Variants in KCND2 observed in about 807,000 individuals in gnomAD.
KCND2 encodes potassium voltage-gated channel subfamily D member 2.
In KCND2, 16 loss-of-function variants were observed where a neutral mutation model predicts 54.4. That is an observed-to-expected ratio of 0.29 (90% confidence interval 0.20 to 0.45). The LOEUF is 0.45. KCND2 is among the 20% of genes least tolerant of loss of function. KCND2 has a pLI of 1.00. For missense variants in KCND2, 486 were observed against 824.2 expected (o/e 0.59, Z 5.02); for synonymous variants, 317 against 310.7 (o/e 1.02, Z -0.21).
chr7:120,510,114 G>T (rs901329519), intron 1 of KCND2, among the ~76,000 whole-genome samples: 4 of 152,002 alleles, frequency 2.6e-5, no homozygotes, highest in Non-Finnish European at 4.4e-5. Flanking sequence ...TAATATTCTT[G>T]CTGAGAAGGC....
chr7:120,733,091 T>C (rs1480543459), intron 2 of KCND2, 26 bp downstream of exon 2: 1 of 1,612,032 alleles, frequency 6.2e-7, no homozygotes, highest in Non-Finnish European at 8.5e-7. Context: ...CGTGCAACCA[T>C]GGTTTAGCAC....
chr7:120,360,566 C>A (rs1413882634), intron 1 of KCND2, among the ~76,000 whole-genome samples: 1 of 152,036 alleles, frequency 6.6e-6, no homozygotes, highest in Non-Finnish European at 1.5e-5. Context: ...CTCTGTGGCT[C>A]TGTAATACTT....
rs1242704241 is a variant in KCND2 at position 120,323,998 on chromosome 7, G to C, written c.1115+48251G>C. 4.3e-4 allele frequency among the ~76,000 whole-genome samples: 61 copies of C among 142,442 alleles called. 2 individuals are homozygous for C. The highest frequency in any genetic ancestry group is 1.6e-3 in the African/African-American group (59 of 37,724). The allele number at this position is 142,442 out of a possible 152,430, so 93.4% of individuals were successfully genotyped here. On this transcript the variant is annotated intron_variant, in intron 1 of 5. Transcript: ENST00000331113. ...TTTTTAATGATTGCCATTCTAACTG[G>C]TGTGAGATGGTATCTCATTGTGGTT...
intron 1 of KCND2, among the ~76,000 whole-genome samples, chr7:120,707,682 C>T (rs1411451832): frequency 6.6e-6 from 1 of 152,002 alleles, no homozygotes; most frequent in Non-Finnish European, 1.5e-5. Context: ...GGTTGGGGTG[C>T]ATGACAGATT....
intron 1 of KCND2, among the ~76,000 whole-genome samples, chr7:120,586,861 T>C (rs1402982477): frequency 1.3e-5 from 2 of 152,136 alleles, no homozygotes; most frequent in Admixed American, 6.6e-5. Context: ...ATCTTTATCA[T>C]AGTGAAATAA....
At position 120,466,500 on chromosome 7, in the gene KCND2, T is replaced by A. The variant is rs1317664057; in HGVS notation, c.1115+190753T>A. On this transcript the variant is annotated intron_variant, in intron 1 of 5. Coordinates refer to ENST00000331113, the MANE Select transcript of KCND2 (RefSeq NM_012281.3). ...AACCAGCACAATACTTCCAGGTATG[T>A]CCTGGATCCCAGCCTTTCTTGCAAG... Among the ~76,000 whole-genome samples, 3 of 152,122 alleles carry A rather than the reference T, an allele frequency of 2.0e-5. No homozygotes were observed. In the East Asian group the frequency reaches 5.8e-4, roughly 29 times the overall value.
At position 120,411,274 on chromosome 7, in the gene KCND2, T is replaced by C. The variant is rs895464502; in HGVS notation, c.1115+135527T>C. Among the ~76,000 whole-genome samples, 22 of 152,060 alleles carry C rather than the reference T, an allele frequency of 1.4e-4. 1 individual carries two copies. In the South Asian group the frequency reaches 2.3e-3, roughly 16 times the overall value. ...GTTGTCCACTATCCTTAAAGATCAT[T>C]TATATAGACCCCATGAGGAAATGTC... is the stretch of plus-strand genomic sequence containing the variant. On this transcript the variant is annotated intron_variant, in intron 1 of 5. Coordinates refer to ENST00000331113, the MANE Select transcript of KCND2 (RefSeq NM_012281.3).
chr7:120,673,970 T>C (rs923957580), intron 1 of KCND2, among the ~76,000 whole-genome samples: 3 of 151,638 alleles, frequency 2.0e-5, no homozygotes, highest in African/African-American at 7.3e-5. Context: ...AGTGATGTGA[T>C]CTCAGCTCGC....
chr7:120,545,323 G>A (rs1792030288), intron 1 of KCND2, among the ~76,000 whole-genome samples: 1 of 151,832 alleles, frequency 6.6e-6, no homozygotes, highest in Non-Finnish European at 1.5e-5. Context: ...TAATATCATT[G>A]ATGCTAAGCC....
intron 1 of KCND2, among the ~76,000 whole-genome samples, chr7:120,415,582 C>G (rs1210872827): frequency 6.6e-6 from 1 of 152,126 alleles, no homozygotes; most frequent in Admixed American, 6.6e-5. Context: ...TTTGCTTGCC[C>G]ATTTTTCTCT....
intron 1 of KCND2, among the ~76,000 whole-genome samples, chr7:120,355,478 T>TG (rs936584249): frequency 9.3e-5 from 14 of 150,394 alleles, no homozygotes; most frequent in Admixed American, 4.6e-4. Context: ...ACCTGGGAGG[T>TG]GGGGGGGTGC....
At chr7:120,641,907 A>T (rs1161109653) in intron 1 of KCND2, among the ~76,000 whole-genome samples, 2 of 152,096 alleles carry the variant, frequency 1.3e-5, no homozygotes, top group Admixed American at 6.5e-5. Flanking sequence ...CTACTAACAC[A>T]TAGCCTTAAA....
intron 1 of KCND2, among the ~76,000 whole-genome samples, chr7:120,524,312 A>T (rs1791744229): frequency 6.6e-6 from 1 of 152,138 alleles, no homozygotes; most frequent in Non-Finnish European, 1.5e-5. Flanking sequence ...GGAGCTAAAG[A>T]TAGGAGTAGA....
chr7:120,664,091 C>T (rs1035740831), intron 1 of KCND2, among the ~76,000 whole-genome samples: 32 of 152,190 alleles, frequency 2.1e-4, no homozygotes, highest in African/African-American at 6.3e-4. Context: ...TTTATGCGTG[C>T]GCGTGTGCAC....
chr7:120,326,690 C>T (rs889140538), intron 1 of KCND2, among the ~76,000 whole-genome samples: 1 of 151,984 alleles, frequency 6.6e-6, no homozygotes, highest in African/African-American at 2.4e-5. Context: ...ACATGTTCTG[C>T]AAATATGTAT....
chr7:120,287,052 T>C (rs945946914), intron 1 of KCND2, among the ~76,000 whole-genome samples: 14 of 151,744 alleles, frequency 9.2e-5, no homozygotes, highest in African/African-American at 3.1e-4. Flanking sequence ...TCATGAAGAG[T>C]TTTTTAGAGA....
intron 1 of KCND2, among the ~76,000 whole-genome samples, chr7:120,681,797 G>A (rs1274925794): frequency 6.6e-6 from 1 of 151,968 alleles, no homozygotes; most frequent in Admixed American, 6.6e-5. Flanking sequence ...ATCAGAAATT[G>A]AGGATTATTT....
chr7:120,345,717 TTTTATACATTTTG>T (rs139590725), intron 1 of KCND2, among the ~76,000 whole-genome samples: 15,427 of 152,196 alleles, frequency 0.1, 805 homozygotes, highest in Admixed American at 0.13. Context: ...TTGAATAGTA[TTTTATACATTTTG>T]TTTATACATT....
chr7:120,481,180 A>AAGC (rs962235084), intron 1 of KCND2, among the ~76,000 whole-genome samples: 88 of 152,304 alleles, frequency 5.8e-4, no homozygotes, highest in African/African-American at 2.0e-3. Flanking sequence ...TACAGGAGCA[A>AAGC]AGCACTTGGG....
Sources: gnomAD v4.1 joint callset for allele counts (sites outside exome capture counted in the v4.1 genomes callset) on GRCh38, gnomAD v4.1.1 for gene constraint, MANE v1.5 for transcripts, NCBI Gene and HGNC (gene_info 2026-07-23, HGNC 2026-07-21) for gene names.